DGKB: variants seen among roughly 807,000 people sequenced by gnomAD.
DGKB encodes the protein 90 kDa diacylglycerol kinase.
In DGKB, 67 loss-of-function variants were observed where a neutral mutation model predicts 114.3. That is an observed-to-expected ratio of 0.59 (90% confidence interval 0.48 to 0.72). The LOEUF is 0.72. DGKB is among the 30% of genes least tolerant of loss of function. DGKB has a pLI of 0.00. For missense variants in DGKB, 907 were observed against 975.2 expected (o/e 0.93, Z 0.93); for synonymous variants, 398 against 323.1 (o/e 1.23, Z -2.49).
At chr7:14,754,277 A>T (rs1450961017) in intron 3 of DGKB, among the ~76,000 whole-genome samples, 2 of 152,150 alleles carry the variant, frequency 1.3e-5, no homozygotes. Flanking sequence ...CAATGACTAG[A>T]TCAATCTTTG....
chr7:14,521,736 T>C (rs148715297), intron 20 of DGKB, among the ~76,000 whole-genome samples: 1,724 of 152,280 alleles, frequency 0.011, 137 homozygotes, highest in Admixed American at 0.1. Context: ...ACAACATCTA[T>C]GTTTTAACAT....
At chr7:14,620,673 T>C (rs936712408) in intron 15 of DGKB, among the ~76,000 whole-genome samples, 3 of 151,700 alleles carry the variant, frequency 2.0e-5, no homozygotes, top group African/African-American at 7.2e-5. Flanking sequence ...TTATTGACCA[T>C]TTTTCTGTTG....
At chr7:14,485,700 C>T (rs1024265242) in intron 20 of DGKB, among the ~76,000 whole-genome samples, 1 of 150,150 alleles carries the variant, frequency 6.7e-6, no homozygotes, top group African/African-American at 2.5e-5. Context: ...GCCTGGCCAA[C>T]ATGGTGAAAC....
chr7:14,273,335 G>C (rs1798532420), intron 23 of DGKB, among the ~76,000 whole-genome samples: 1 of 152,004 alleles, frequency 6.6e-6, no homozygotes, highest in Non-Finnish European at 1.5e-5. Context: ...GACAGAGCTA[G>C]ACCCTATCTT....
intron 25 of DGKB, among the ~76,000 whole-genome samples, chr7:14,175,491 T>C (rs572722451): frequency 6.6e-6 from 1 of 152,186 alleles, no homozygotes; most frequent in Non-Finnish European, 1.5e-5. Flanking sequence ...CTCTGGAATA[T>C]AGCTTACATT....
intron 1 of DGKB, among the ~76,000 whole-genome samples, chr7:14,913,558 A>G (rs1422991650): frequency 6.6e-6 from 1 of 151,330 alleles, no homozygotes; most frequent in Non-Finnish European, 1.5e-5. Context: ...AACTAGGTGG[A>G]ACCCAAGAAA....
chr7:14,918,831 G>T (rs1479456207), intron 1 of DGKB, among the ~76,000 whole-genome samples: 1 of 152,112 alleles, frequency 6.6e-6, no homozygotes, highest in South Asian at 2.1e-4. Flanking sequence ...TTGGGAGGCC[G>T]AGGGGGGCGG....
intron 21 of DGKB, among the ~76,000 whole-genome samples, chr7:14,447,135 G>A (rs553605359): frequency 1.3e-5 from 2 of 152,138 alleles, no homozygotes; most frequent in Admixed American, 1.3e-4. Flanking sequence ...CCCCAGGTAT[G>A]CACGGATGCA....
intron 4 of DGKB, among the ~76,000 whole-genome samples, chr7:14,743,420 T>C (rs1463633651): frequency 6.6e-6 from 1 of 152,118 alleles, no homozygotes; most frequent in African/African-American, 2.4e-5. Flanking sequence ...AATAACCAAC[T>C]GGGATTGTAT....
intron 1 of DGKB, among the ~76,000 whole-genome samples, chr7:14,846,594 C>A (rs535388778): frequency 5.3e-5 from 8 of 152,284 alleles, no homozygotes; most frequent in African/African-American, 1.9e-4. Context: ...AGATTCCCTG[C>A]GGTGCATTCA....
intron 25 of DGKB, among the ~76,000 whole-genome samples, chr7:14,168,612 TG>T (rs1450348511): frequency 6.6e-6 from 1 of 152,250 alleles, no homozygotes; most frequent in Non-Finnish European, 1.5e-5. Flanking sequence ...CAAACGACTA[TG>T]AATTTCTTAT....
chr7:14,797,063 G>A (rs1256727228), intron 2 of DGKB, among the ~76,000 whole-genome samples: 1 of 152,152 alleles, frequency 6.6e-6, no homozygotes, highest in African/African-American at 2.4e-5. Flanking sequence ...GCTTACAAGT[G>A]CAACTTGACT....
rs998160823 is a variant in DGKB at position 14,942,035 on chromosome 7, T to C, written c.-188+32661A>G. 3.9e-5 allele frequency among the ~76,000 whole-genome samples: 6 copies of C among 152,010 alleles called. No homozygotes were observed. The East Asian group carries it at 5.8e-4, about 15-fold the overall frequency. On this transcript the variant is annotated intron_variant, in intron 1 of 4. Coordinates refer to the DGKB transcript ENST00000437998. The stretch of plus-strand genomic sequence containing the variant: ...GTCAATTTAAGTAAATTAAGTAATA[T>C]AAAATGGCAGATTTATTGTTTGTCC...
At chr7:14,936,550 G>T (rs960754527) in intron 1 of DGKB, among the ~76,000 whole-genome samples, 1 of 152,052 alleles carries the variant, frequency 6.6e-6, no homozygotes, top group African/African-American at 2.4e-5. Flanking sequence ...GCTTTGATTT[G>T]TCTATAATGA....
intron 1 of DGKB, among the ~76,000 whole-genome samples, chr7:14,961,413 C>T (rs949403344): frequency 1.3e-5 from 2 of 152,150 alleles, no homozygotes; most frequent in African/African-American, 4.8e-5. Context: ...GGTTCTGTCT[C>T]AATGAATTGT....
At chr7:14,192,314 A>G (rs542677013) in intron 23 of DGKB, among the ~76,000 whole-genome samples, 1 of 152,322 alleles carries the variant, frequency 6.6e-6, no homozygotes, top group African/African-American at 2.4e-5. Context: ...TGTCCATAGG[A>G]TAATAGTGAA....
intron 15 of DGKB, 44 bp downstream of exon 15, chr7:14,621,334 A>G (rs1807602966): frequency 1.7e-6 from 2 of 1,206,868 alleles, no homozygotes; most frequent in African/African-American, 3.0e-5. Context: ...GCCTAGAAGT[A>G]TCAAATATGA....
At position 14,583,071 on chromosome 7, in the gene DGKB, G is replaced by C; in HGVS notation, c.1500C>G (p.Gly500=). The stretch of plus-strand genomic sequence containing the variant: ...CATTACCTATGCAATCCAAAACCCA[G>C]CCCACGGTTCCATCTCCACCACAGG... ...VLACGGDGTV[G]WVLDCIEKAN... is the part of the protein sequence containing the mutation. Residue 500 remains glycine, a synonymous_variant, in exon 18 of 26, where the codon GGC becomes GGG. Transcript: ENST00000402815. 6.2e-7 allele frequency: 1 copy of C among 1,612,978 alleles called. No individual in the cohort carries two copies.
chr7:14,766,120 A>G (rs1836415316), intron 2 of DGKB, among the ~76,000 whole-genome samples: 1 of 152,018 alleles, frequency 6.6e-6, no homozygotes, highest in Non-Finnish European at 1.5e-5. Flanking sequence ...AAAAGCCTGC[A>G]GCTATGACTT....
Sources: allele counts gnomAD v4.1 joint callset (sites outside exome capture counted in the v4.1 genomes callset), GRCh38; gene constraint gnomAD v4.1.1; transcripts MANE v1.5; gene names NCBI Gene and HGNC (gene_info 2026-07-23, HGNC 2026-07-21).